TMEM132B: variants seen among roughly 807,000 people sequenced by gnomAD.
The protein encoded by TMEM132B is transmembrane protein 132B.
In TMEM132B, 18 loss-of-function variants were observed where a neutral mutation model predicts 90.8. That is an observed-to-expected ratio of 0.20 (90% CI 0.14 to 0.29). TMEM132B has a LOEUF of 0.29. Ranked by LOEUF, TMEM132B falls within the 10% of genes least tolerant of loss-of-function variation. The pLI, the probability that TMEM132B is intolerant of heterozygous loss-of-function variation, is 1.00. For synonymous variants in TMEM132B, 504 were observed against 523.3 expected (o/e 0.96, Z 0.50); for missense variants, 1,096 against 1,326.8 (o/e 0.83, Z 2.70).
At chr12:125,619,828 G>C (rs186555225) in intron 5 of TMEM132B, among the ~76,000 whole-genome samples, 52 of 152,336 alleles carry the variant, frequency 3.4e-4, no homozygotes, top group African/African-American at 1.2e-3. Context: ...AGACAAGAGA[G>C]AGTCAGGTGA....
chr12:125,328,507 G>T (rs1876660527), intron 1 of TMEM132B, among the ~76,000 whole-genome samples: 1 of 152,178 alleles, frequency 6.6e-6, no homozygotes, highest in Admixed American at 6.5e-5. Flanking sequence ...TGCTCTGAAG[G>T]CTCTAGGGGA....
chr12:125,579,296 A>T (rs2136855937), intron 4 of TMEM132B, among the ~76,000 whole-genome samples: 1 of 151,508 alleles, frequency 6.6e-6, no homozygotes, highest in Admixed American at 6.6e-5. Context: ...TTTCTAATTG[A>T]TTATTTAAGA....
chr12:125,377,080 C>T (rs1244789752), intron 2 of TMEM132B, among the ~76,000 whole-genome samples: 2 of 152,220 alleles, frequency 1.3e-5, no homozygotes, highest in East Asian at 1.9e-4. Context: ...GGGCCAGCAG[C>T]CTGCGTTTCC....
intron 3 of TMEM132B, among the ~76,000 whole-genome samples, chr12:125,419,493 A>G (rs1244579093): frequency 1.3e-5 from 2 of 152,194 alleles, no homozygotes; most frequent in South Asian, 2.1e-4. Context: ...CTTCTTCACT[A>G]TCACAAGAAT....
At chr12:125,222,065 C>T (rs1393334144) in intron 1 of TMEM132B, among the ~76,000 whole-genome samples, 1 of 152,122 alleles carries the variant, frequency 6.6e-6, no homozygotes, top group Non-Finnish European at 1.5e-5. Context: ...CCCTTTGAGC[C>T]TTTGCATAAG....
intron 5 of TMEM132B, among the ~76,000 whole-genome samples, chr12:125,619,457 C>T (rs529679646): frequency 6.6e-5 from 10 of 152,144 alleles, no homozygotes; most frequent in Non-Finnish European, 1.0e-4. Flanking sequence ...TTCTGCCTCC[C>T]GGGTTCAAGC....
chr12:125,202,563 G>C (rs1325708709), intron 1 of TMEM132B, among the ~76,000 whole-genome samples: 1 of 152,256 alleles, frequency 6.6e-6, no homozygotes, highest in African/African-American at 2.4e-5. Context: ...GTTGGCCAGA[G>C]GCTGCTCTCA....
intron 1 of TMEM132B, among the ~76,000 whole-genome samples, chr12:125,224,321 A>C (rs1873627698): frequency 6.6e-6 from 1 of 152,200 alleles, no homozygotes; most frequent in Non-Finnish European, 1.5e-5. Context: ...GTGTATACCT[A>C]GAAGTGGAAT....
intron 4 of TMEM132B, among the ~76,000 whole-genome samples, chr12:125,548,210 C>G (rs917656629): frequency 3.2e-4 from 48 of 152,256 alleles, no homozygotes; most frequent in African/African-American, 1.1e-3. Context: ...GTGCTCTGGG[C>G]TGACAGTCCC....
intron 1 of TMEM132B, among the ~76,000 whole-genome samples, chr12:125,280,490 C>G (rs978166194): frequency 2.0e-5 from 3 of 152,232 alleles, no homozygotes; most frequent in African/African-American, 4.8e-5. Flanking sequence ...CTTAAAATAA[C>G]AAGGTTTATT....
chr12:125,353,537 C>G (rs1377447535), intron 2 of TMEM132B, among the ~76,000 whole-genome samples: 1 of 152,188 alleles, frequency 6.6e-6, no homozygotes, highest in Non-Finnish European at 1.5e-5. Flanking sequence ...TGGTTCAGCC[C>G]ATGTGGTAAG....
intron 5 of TMEM132B, among the ~76,000 whole-genome samples, chr12:125,641,790 T>C (rs1393202993): frequency 6.6e-6 from 1 of 152,090 alleles, no homozygotes; most frequent in Non-Finnish European, 1.5e-5. Flanking sequence ...TCAGAGTGAT[T>C]TGATGTGTGA....
chr12:125,374,292 T>C (rs1265679392), intron 2 of TMEM132B, among the ~76,000 whole-genome samples: 1 of 152,242 alleles, frequency 6.6e-6, no homozygotes, highest in Non-Finnish European at 1.5e-5. Flanking sequence ...TCTGAAGTCC[T>C]CTGTCTGGAG....
At chr12:125,237,362 C>T (rs1873959888) in intron 1 of TMEM132B, among the ~76,000 whole-genome samples, 2 of 152,276 alleles carry the variant, frequency 1.3e-5, no homozygotes, top group Admixed American at 6.5e-5. Flanking sequence ...CCGCCCCAGC[C>T]CAAGCAGGCC....
chr12:125,414,282 G>A (rs1243661204), intron 2 of TMEM132B, among the ~76,000 whole-genome samples: 1 of 152,118 alleles, frequency 6.6e-6, no homozygotes, highest in African/African-American at 2.4e-5. Context: ...CTCCCATTCT[G>A]TAGGTTGTCT....
intron 4 of TMEM132B, among the ~76,000 whole-genome samples, chr12:125,553,516 A>C (rs1372252551): frequency 6.6e-6 from 1 of 152,182 alleles, no homozygotes; most frequent in African/African-American, 2.4e-5. Flanking sequence ...GAGGCTCTGA[A>C]GTTCGATGAG....
chr12:125,237,719 G>C (rs1228858813), intron 1 of TMEM132B, among the ~76,000 whole-genome samples: 1 of 152,218 alleles, frequency 6.6e-6, no homozygotes, highest in Non-Finnish European at 1.5e-5. Flanking sequence ...AAAGTGCTGG[G>C]ATTGCAGGTG....
At chr12:125,534,474 G>C (rs1432026175) in intron 4 of TMEM132B, among the ~76,000 whole-genome samples, 1 of 152,196 alleles carries the variant, frequency 6.6e-6, no homozygotes, top group Non-Finnish European at 1.5e-5. Context: ...CCATTATCAT[G>C]CCATTGCACT....
At chr12:125,326,528 G>A (rs2136196533) in intron 1 of TMEM132B, 1 of 1,389,744 alleles carries the variant, frequency 7.2e-7, no homozygotes, top group East Asian at 2.4e-5. Context: ...TCGGCTTAAT[G>A]CTGTTTGATG....
Sources: gnomAD v4.1 joint callset for allele counts (sites outside exome capture counted in the v4.1 genomes callset) on GRCh38, gnomAD v4.1.1 for gene constraint, MANE v1.5 for transcripts, NCBI Gene and HGNC (gene_info 2026-07-23, HGNC 2026-07-21) for gene names.